The following DPP10 variants were observed in gnomAD, a reference collection of about 807,000 sequenced individuals.
DPP10 encodes inactive dipeptidyl peptidase 10.
Under a neutral mutation model 120.9 loss-of-function variants are expected in DPP10, and 33 were observed. That is an observed-to-expected ratio of 0.27 (90% CI 0.21 to 0.37). The LOEUF is 0.37. Ranked by LOEUF, DPP10 falls within the 10% of genes least tolerant of loss-of-function variation. The pLI is 1.00. For synonymous variants in DPP10, 337 were observed against 326.1 expected, an observed-to-expected ratio of 1.03 and a Z score of -0.36; for missense variants, 816 against 942.8, an observed-to-expected ratio of 0.87 and a Z score of 1.76.
At chr2:115,005,976 G>C (rs1036957687) in intron 1 of DPP10, among the ~76,000 whole-genome samples, 22 of 152,072 alleles carry the variant, frequency 1.4e-4, no homozygotes. Flanking sequence ...AGAAAGGTCG[G>C]GTTACCCTCA....
At chr2:114,953,491 CGT>C (rs150259274) in intron 1 of DPP10, among the ~76,000 whole-genome samples, 13 of 150,866 alleles carry the variant, frequency 8.6e-5, no homozygotes, top group African/African-American at 2.7e-4. Flanking sequence ...TGTGTGTGTG[CGT>C]GTGTGTGTGT....
chr2:115,493,841 G>T (rs1198216527), intron 3 of DPP10, among the ~76,000 whole-genome samples: 2 of 152,134 alleles, frequency 1.3e-5, no homozygotes, highest in Non-Finnish European at 2.9e-5. Flanking sequence ...TTGTATGGCT[G>T]TTATGGAGAA....
At chr2:114,453,093 A>T (rs1678376767) in intron 1 of DPP10, among the ~76,000 whole-genome samples, 1 of 152,174 alleles carries the variant, frequency 6.6e-6, no homozygotes, top group African/African-American at 2.4e-5. Flanking sequence ...GTTGAAAACC[A>T]TCAGGGAGAT....
intron 1 of DPP10, among the ~76,000 whole-genome samples, chr2:115,270,097 CACACACACACACACACAG>C (rs1559342840): frequency 1.3e-5 from 2 of 149,362 alleles, no homozygotes; most frequent in East Asian, 2.0e-4. Flanking sequence ...CACACACACA[CACACACACACACACACAG>C]ACACACACAC....
rs138977759 is a variant in DPP10, at chr2:115,114,108, A to G, written c.61-195131A>G. 3.7e-3 allele frequency among the ~76,000 whole-genome samples: 566 copies of G among 152,248 alleles called. 1 individual carries two copies. Among genetic ancestry groups the G allele is most frequent in the African/African-American group, 0.013 (529 of 41,558 alleles). ...TTCTGCCCACCACCATTGCTCACCA[A>G]TACGAACTTGCCAGCTCCCCAAACA... is the stretch of plus-strand genomic sequence containing the variant. On this transcript the variant is annotated intron_variant, in intron 1 of 25. Coordinates refer to ENST00000410059, the MANE Select transcript of DPP10 (RefSeq NM_020868.6).
chr2:115,161,646 C>T (rs915377405), intron 1 of DPP10: 2 of 261,770 alleles, frequency 7.6e-6, no homozygotes, highest in Admixed American at 5.5e-5. Flanking sequence ...GGGCCGGGGC[C>T]CCGCCGCTCG....
At chr2:115,498,753 A>T (rs1233364415) in intron 3 of DPP10, among the ~76,000 whole-genome samples, 3 of 149,920 alleles carry the variant, frequency 2.0e-5, no homozygotes, top group African/African-American at 7.3e-5. Context: ...GTATCCTTAT[A>T]TCCTGTCAGT....
chr2:114,734,535 T>C (rs1677232311), intron 1 of DPP10, among the ~76,000 whole-genome samples: 1 of 152,184 alleles, frequency 6.6e-6, no homozygotes, highest in African/African-American at 2.4e-5. Flanking sequence ...GATTGATGTT[T>C]CATGCCTCCC....
intron 1 of DPP10, among the ~76,000 whole-genome samples, chr2:115,208,191 C>CTTTTTTTTTTTTTTT (rs760142039): frequency 7.2e-6 from 1 of 138,918 alleles, no homozygotes; most frequent in African/African-American, 2.7e-5. Flanking sequence ...CATTATTTCT[C>CTTTTTTTTTTTTTTT]TTTTTTTTTT....
intron 1 of DPP10, among the ~76,000 whole-genome samples, chr2:114,652,669 T>C (rs547744166): frequency 6.6e-6 from 1 of 152,188 alleles, no homozygotes; most frequent in Non-Finnish European, 1.5e-5. Context: ...CTTGTCGAAT[T>C]TTATGCTCTA....
intron 1 of DPP10, among the ~76,000 whole-genome samples, chr2:114,588,648 TA>T (rs370808889): frequency 6.6e-6 from 1 of 152,206 alleles, no homozygotes; most frequent in Non-Finnish European, 1.5e-5. Flanking sequence ...TTAAAAAATT[TA>T]AAAAGAGTTG....
At chr2:115,372,774 C>T (rs1031647745) in intron 3 of DPP10, among the ~76,000 whole-genome samples, 1 of 152,162 alleles carries the variant, frequency 6.6e-6, no homozygotes, top group African/African-American at 2.4e-5. Flanking sequence ...AAGCGTTGCA[C>T]CTGACAGCAG....
chr2:115,596,299 C>T (rs1261943128), intron 5 of DPP10, among the ~76,000 whole-genome samples: 1 of 152,098 alleles, frequency 6.6e-6, no homozygotes. Flanking sequence ...TTACCAGTAA[C>T]TTTCAAAAAC....
chr2:114,886,587 A>G (rs971544995), intron 1 of DPP10, among the ~76,000 whole-genome samples: 2 of 152,228 alleles, frequency 1.3e-5, no homozygotes, highest in African/African-American at 2.4e-5. Flanking sequence ...ATTGATTATG[A>G]AATAATTTGC....
intron 5 of DPP10, among the ~76,000 whole-genome samples, chr2:115,578,734 G>A (rs2081838012): frequency 6.6e-6 from 1 of 152,198 alleles, no homozygotes; most frequent in Admixed American, 6.5e-5. Context: ...CTCCCTAAAG[G>A]ATTTGGGGAT....
At chr2:115,798,387 G>A (rs1684783626) in intron 19 of DPP10, among the ~76,000 whole-genome samples, 1 of 152,024 alleles carries the variant, frequency 6.6e-6, no homozygotes, top group Non-Finnish European at 1.5e-5. Context: ...AAGATACAGT[G>A]TATTCTTTCT....
chr2:115,177,385 A>G (rs1354891229), intron 1 of DPP10, among the ~76,000 whole-genome samples: 1 of 152,202 alleles, frequency 6.6e-6, no homozygotes, highest in Non-Finnish European at 1.5e-5. Flanking sequence ...CTTATTTTTC[A>G]GAGGTCTTTG....
intron 1 of DPP10, among the ~76,000 whole-genome samples, chr2:114,516,142 G>A (rs1021952946): frequency 2.0e-5 from 3 of 152,154 alleles, no homozygotes; most frequent in African/African-American, 7.2e-5. Flanking sequence ...AGATGTTACT[G>A]GCTCAGCAAC....
intron 3 of DPP10, among the ~76,000 whole-genome samples, chr2:115,493,266 G>T (rs537255092): frequency 6.6e-6 from 1 of 151,978 alleles, no homozygotes; most frequent in South Asian, 2.1e-4. Context: ...TATAAATATA[G>T]GAGATGAAGA....
Sources: allele counts gnomAD v4.1 joint callset (sites outside exome capture counted in the v4.1 genomes callset), GRCh38; gene constraint gnomAD v4.1.1; transcripts MANE v1.5; gene names NCBI Gene and HGNC (gene_info 2026-07-23, HGNC 2026-07-21).